The following PAAF1 variants were observed in gnomAD, a reference collection of about 807,000 sequenced individuals.
PAAF1 encodes the protein proteasomal ATPase associated factor 1, also known as proteasomal ATPase-associated factor 1.
A neutral mutation model predicts 52.8 loss-of-function variants in PAAF1; 46 were observed. The ratio of observed to expected loss-of-function variants is 0.87; its 90% confidence interval spans 0.69 to 1.11. PAAF1 has a LOEUF of 1.11. Ranked by LOEUF, PAAF1 falls within the 50% of genes most tolerant of loss-of-function variation. PAAF1 has a pLI of 0.00. For synonymous variants in PAAF1, 178 were observed against 172.8 expected (o/e 1.03, Z -0.24); for missense variants, 424 against 477.4 (o/e 0.89, Z 1.04).
At chr11:73,882,073 G>A (rs538258201) in intron 2 of PAAF1, among the ~76,000 whole-genome samples, 178 of 151,574 alleles carry the variant, frequency 1.2e-3, no homozygotes, top group Admixed American at 6.4e-3. Flanking sequence ...TAGAGACAGA[G>A]TTTCTCCATG....
chr11:73,898,730 C>T (rs1949505838), intron 4 of PAAF1, among the ~76,000 whole-genome samples: 1 of 152,110 alleles, frequency 6.6e-6, no homozygotes, highest in African/African-American at 2.4e-5. Context: ...AGGAGAATCA[C>T]TTGAGCCTGG....
chr11:73,876,797 G>A (rs1017551316), upstream of PAAF1: 7 of 410,656 alleles, frequency 1.7e-5, no homozygotes, highest in Non-Finnish European at 3.0e-5. Context: ...ACGCTCCTAC[G>A]CGGCGGCTTG....
At position 73,885,333 on chromosome 11, in the gene PAAF1, GA is replaced by G; in HGVS notation, c.89-2020del. 3.3e-5 allele frequency among the ~76,000 whole-genome samples: 5 copies of G among 151,370 alleles called. No homozygotes were observed. In the South Asian group the frequency reaches 1.1e-3, roughly 32 times the overall value. On this transcript the variant is annotated intron_variant, in intron 2 of 11. Coordinates refer to ENST00000310571, the MANE Select transcript of PAAF1 (RefSeq NM_025155.3). Reference sequence around the variant, plus strand: ...TAATTTTTGTATTTTTAGTAGAGAAGAGGTTTCACTATGTTGGCCAGGCTGG... The same window carrying G: ...TAATTTTTGTATTTTTAGTAGAGAAGGGTTTCACTATGTTGGCCAGGCTGG...
chr11:73,922,340 C>A, intron 10 of PAAF1: 1 of 354,170 alleles, frequency 2.8e-6, no homozygotes, highest in Non-Finnish European at 5.3e-6. Context: ...GAGGACAAAA[C>A]TAAGACCAAT....
intron 7 of PAAF1, among the ~76,000 whole-genome samples, chr11:73,911,948 T>C (rs1949945571): frequency 6.6e-6 from 1 of 152,152 alleles, no homozygotes; most frequent in Non-Finnish European, 1.5e-5. Context: ...GTGACCTTCT[T>C]CTTGCCTAAT....
intron 10 of PAAF1, among the ~76,000 whole-genome samples, chr11:73,920,189 A>G (rs2135227531): frequency 6.6e-6 from 1 of 152,244 alleles, no homozygotes; most frequent in East Asian, 1.9e-4. Context: ...ACTTTTCTGT[A>G]AACCTAAAGT....
intron 9 of PAAF1, among the ~76,000 whole-genome samples, chr11:73,918,116 G>C (rs985179217): frequency 6.6e-6 from 1 of 152,198 alleles, no homozygotes; most frequent in Non-Finnish European, 1.5e-5. Flanking sequence ...AGCTGGCCTC[G>C]GTAGAATCCC....
rs200800667 is a variant in PAAF1 at position 73,908,397 on chromosome 11, ATG to A, written c.533-998_533-997del. Among the ~76,000 whole-genome samples, 252 of 142,242 alleles carry A rather than the reference ATG, an allele frequency of 1.8e-3. 2 individuals are homozygous for A. The highest frequency in any genetic ancestry group is 6.4e-3 in the African/African-American group (236 of 36,872). The allele number at this position is 142,242 out of a possible 152,430, so 93.3% of individuals were successfully genotyped here. The stretch of plus-strand genomic sequence containing the variant: ...TGTATATATATGTGTGTATATATAT[ATG>A]TGTATATATATGTGTGTATATATAT... On this transcript the variant is annotated intron_variant, in intron 6 of 11. Transcript: ENST00000310571.
At chr11:73,879,977 T>C (rs1398456819) in intron 2 of PAAF1, 1 of 151,802 alleles carries the variant, frequency 6.6e-6, no homozygotes. Flanking sequence ...TGGGGGCTCA[T>C]ACCTGTCATC....
chr11:73,909,404 C>T lies in PAAF1; in HGVS notation c.538C>T (p.Leu180=). The T allele has an allele frequency of 6.2e-7, 1 of 1,613,990 alleles. No homozygotes were observed. The highest frequency in any genetic ancestry group is 8.5e-7 in the Non-Finnish European group (1 of 1,179,964). The change falls in exon 7 of 12, where the codon CTG becomes TTG. Residue 180 remains leucine (L), a synonymous_variant. Coordinates refer to ENST00000310571, the MANE Select transcript of PAAF1 (RefSeq NM_025155.3). ...GAGTTTTTTTCTCTTGCTAGGTATC[C>T]TGGATACAGCCATCGTTGATCGGGG... is the stretch of plus-strand genomic sequence containing the variant. ...VTFKGHKGGI[L]DTAIVDRGRN...
intron 3 of PAAF1, among the ~76,000 whole-genome samples, chr11:73,890,091 G>A (rs1408722015): frequency 6.6e-6 from 1 of 152,144 alleles, no homozygotes; most frequent in Non-Finnish European, 1.5e-5. Context: ...AATTACCAGA[G>A]ACTTTGAAGT....
Position 73,891,203 on chromosome 11 carries a change from T to C in PAAF1, c.282+2T>C, listed in dbSNP as rs1949193418. On this transcript the variant is annotated splice_donor_variant, in intron 4 of 11. Coordinates refer to ENST00000310571, the MANE Select transcript of PAAF1 (RefSeq NM_025155.3). LOFTEE classifies it high-confidence loss of function. ...TTTTCCAGAATTCATACAAAGAGTG[T>C]AAGTATTTTGATAAAATGAAGAGAA... The C allele has an allele frequency of 6.6e-7, 1 of 1,508,502 alleles. No homozygotes were observed. Among genetic ancestry groups the C allele is most frequent in the Non-Finnish European group, 9.2e-7 (1 of 1,092,880 alleles). The allele number at this position is 1,508,502 out of a possible 1,614,324, so 93.4% of individuals were successfully genotyped here. A position where few individuals can be genotyped will look rare whatever the true frequency, so the allele number is the denominator to read the frequency against.
chr11:73,922,953 A>T lies in PAAF1; in HGVS notation c.1019-1662A>T, dbSNP rs567520732. Among the ~76,000 whole-genome samples the T allele has an allele frequency of 6.6e-5, 10 of 152,316 alleles. No homozygotes were observed. The East Asian group carries it at 1.7e-3, about 26-fold the overall frequency. On this transcript the variant is annotated intron_variant, in intron 10 of 11. Coordinates refer to ENST00000310571, the MANE Select transcript of PAAF1 (RefSeq NM_025155.3). ...AAAATTTTTTGATGCAAATTGCCAA[A>T]CATATCTAAAAGTAGACAGAATGGC...
At chr11:73,901,056 C>T (rs925135402) in intron 6 of PAAF1, among the ~76,000 whole-genome samples, 1 of 148,476 alleles carries the variant, frequency 6.7e-6, no homozygotes, top group Non-Finnish European at 1.5e-5. Flanking sequence ...AAATCCTCTC[C>T]AGGAAATCGT....
intron 1 of PAAF1, 96 bp from the exon 2 acceptor site, chr11:73,878,683 A>T (rs1266919717): frequency 9.3e-7 from 1 of 1,071,698 alleles, no homozygotes; most frequent in East Asian, 2.4e-5. Context: ...TACTATGACC[A>T]AGCTGGAGGT....
At chr11:73,892,565 A>G (rs1949228730) in intron 4 of PAAF1, among the ~76,000 whole-genome samples, 1 of 152,154 alleles carries the variant, frequency 6.6e-6, no homozygotes, top group Non-Finnish European at 1.5e-5. Context: ...GCAACTCTAC[A>G]TATCATTATT....
At chr11:73,902,463 G>A (rs1305666536) in intron 6 of PAAF1, among the ~76,000 whole-genome samples, 1 of 152,210 alleles carries the variant, frequency 6.6e-6, no homozygotes, top group Non-Finnish European at 1.5e-5. Context: ...CCATCCCTCT[G>A]AAGGTGTGGG....
At chr11:73,883,769 CCTCGGCCTCCCAA>C in intron 2 of PAAF1, among the ~76,000 whole-genome samples, 1 of 152,286 alleles carries the variant, frequency 6.6e-6, no homozygotes, top group East Asian at 1.9e-4. Context: ...GATCCTCCCA[CCTCGGCCTCCCAA>C]AGTGCTGGGA....
chr11:73,884,164 A>G (rs1948995221), intron 2 of PAAF1, among the ~76,000 whole-genome samples: 1 of 152,112 alleles, frequency 6.6e-6, no homozygotes, highest in Non-Finnish European at 1.5e-5. Flanking sequence ...CTGCTATTAT[A>G]TAGAGAAAAC....
Sources: allele counts gnomAD v4.1 joint callset (sites outside exome capture counted in the v4.1 genomes callset), GRCh38; gene constraint gnomAD v4.1.1; transcripts MANE v1.5; gene names NCBI Gene and HGNC (gene_info 2026-07-23, HGNC 2026-07-21).